The following LPGAT1 variants were observed in gnomAD, a reference collection of about 807,000 sequenced individuals.
LPGAT1 encodes the protein acyl-CoA:lysophosphatidylglycerol acyltransferase 1.
A neutral mutation model predicts 47.5 loss-of-function variants in LPGAT1; 11 were observed. The observed-to-expected ratio is 0.23, with a 90% CI of 0.15 to 0.38. The LOEUF (loss-of-function observed/expected upper bound fraction) is 0.38, where lower values mean the gene tolerates loss of function less well. LPGAT1 is among the 10% of genes least tolerant of loss of function. The probability of loss-of-function intolerance (pLI) is 1.00; values close to 1 mark genes in which losing one functional copy is unlikely to be tolerated. For synonymous variants in LPGAT1, 138 were observed against 144.2 expected (o/e 0.96, Z 0.31); for missense variants, 293 against 439.0 (o/e 0.67, Z 2.97).
At chr1:211,786,956 T>C (rs1658904622) in intron 4 of LPGAT1, among the ~76,000 whole-genome samples, 1 of 152,064 alleles carries the variant, frequency 6.6e-6, no homozygotes, top group African/African-American at 2.4e-5. Context: ...CAACAACCAT[T>C]GTGGGGGATA....
intron 3 of LPGAT1, among the ~76,000 whole-genome samples, chr1:211,791,746 CAA>C (rs1195989474): frequency 8.2e-5 from 3 of 36,408 alleles, no homozygotes; most frequent in African/African-American, 2.4e-4. Flanking sequence ...GACTCCATCT[CAA>C]AAAAAAAAAA....
intron 2 of LPGAT1, among the ~76,000 whole-genome samples, chr1:211,823,401 A>T (rs896086392): frequency 1.3e-5 from 2 of 152,180 alleles, no homozygotes; most frequent in Admixed American, 1.3e-4. Flanking sequence ...AAGGAATTCA[A>T]ATTCCTTCAA....
intron 6 of LPGAT1, among the ~76,000 whole-genome samples, chr1:211,767,289 T>C (rs577475983): frequency 6.6e-6 from 1 of 152,196 alleles, no homozygotes; most frequent in East Asian, 1.9e-4. Context: ...GAGGCACATG[T>C]CACCATGCCC....
chr1:211,796,523 A>G (rs1659358579), intron 2 of LPGAT1, among the ~76,000 whole-genome samples: 1 of 152,194 alleles, frequency 6.6e-6, no homozygotes, highest in African/African-American at 2.4e-5. Flanking sequence ...TCGAGAGAGC[A>G]TGGCCCTGCT....
At chr1:211,780,009 C>T (rs1264190155) in intron 5 of LPGAT1, among the ~76,000 whole-genome samples, 2 of 151,938 alleles carry the variant, frequency 1.3e-5, no homozygotes, top group Non-Finnish European at 2.9e-5. Flanking sequence ...GAAACCCCAT[C>T]TCTACTAAAA....
chr1:211,759,862 T>C (rs1048470127), intron 6 of LPGAT1, among the ~76,000 whole-genome samples: 4 of 152,246 alleles, frequency 2.6e-5, no homozygotes, highest in Admixed American at 1.3e-4. Context: ...ATTATACAAA[T>C]GTTCATTCAT....
At position 211,817,444 on chromosome 1, in the gene LPGAT1, G is replaced by A. The variant is rs112547990; in HGVS notation, c.238+11615C>T. Among the ~76,000 whole-genome samples, 1,225 of 151,910 alleles carry A rather than the reference G, an allele frequency of 8.1e-3. 21 individuals are homozygous for A. The highest frequency in any genetic ancestry group is 0.027 in the African/African-American group (1,119 of 41,426). On this transcript the variant is annotated intron_variant, in intron 2 of 7. Coordinates refer to ENST00000366997, the MANE Select transcript of LPGAT1 (RefSeq NM_014873.3). Reference sequence around the variant, plus strand: ...AAAATTAGCCGGGCATGTGGCCGGCGCCTGTAGTCCCAGCTACTCAGGAGG... The same window carrying A: ...AAAATTAGCCGGGCATGTGGCCGGCACCTGTAGTCCCAGCTACTCAGGAGG...
At chr1:211,762,892 T>C (rs1028125927) in intron 6 of LPGAT1, among the ~76,000 whole-genome samples, 1 of 152,178 alleles carries the variant, frequency 6.6e-6, no homozygotes, top group East Asian at 1.9e-4. Context: ...ACAAACAACA[T>C]GGCTAAACCC....
intron 2 of LPGAT1, among the ~76,000 whole-genome samples, chr1:211,809,019 A>C (rs975072269): frequency 6.6e-6 from 1 of 151,688 alleles, no homozygotes. Context: ...AACACAGTGA[A>C]ACCCCGTCTC....
chr1:211,787,680 T>C lies in LPGAT1; in HGVS notation c.405A>G (p.Thr135=). 1 of 1,609,694 alleles carries C rather than the reference T, an allele frequency of 6.2e-7. No individual in the cohort carries two copies. The highest frequency in any genetic ancestry group is 8.5e-7 in the Non-Finnish European group (1 of 1,178,024). ...GAACTAGAGAAACAATTCCAAAGTTTGTGTACTTAAAAATATGATCCATCA... is the reference window on the plus strand; with the variant it reads ...GAACTAGAGAAACAATTCCAAAGTTCGTGTACTTAAAAATATGATCCATCA... ...MWLMDHIFKY[T]NFGIVSLVHG... is the part of the protein sequence containing the mutation. Residue 135 remains threonine, a synonymous_variant, in exon 4 of 8, where the codon ACA becomes ACG. Coordinates refer to ENST00000366997, the MANE Select transcript of LPGAT1 (RefSeq NM_014873.3).
chr1:211,778,645 T>C (rs1658513554), intron 6 of LPGAT1, among the ~76,000 whole-genome samples: 1 of 152,200 alleles, frequency 6.6e-6, no homozygotes. Context: ...TGAGTATATA[T>C]TTATCCTTGA....
chr1:211,750,494 C>T (rs1657130425), intron 7 of LPGAT1, among the ~76,000 whole-genome samples: 1 of 152,118 alleles, frequency 6.6e-6, no homozygotes, highest in Non-Finnish European at 1.5e-5. Flanking sequence ...CTAGAGATTC[C>T]CACAGTGATC....
intron 2 of LPGAT1, among the ~76,000 whole-genome samples, chr1:211,817,768 C>A (rs1232113877): frequency 6.6e-6 from 1 of 151,922 alleles, no homozygotes; most frequent in Admixed American, 6.6e-5. Context: ...TTTTTTCGTT[C>A]CTATTAAATG....
rs114141768 is a variant in LPGAT1 at position 211,774,899 on chromosome 1, G to C, written c.854+4019C>G. On this transcript the variant is annotated intron_variant, in intron 6 of 7. Transcript: ENST00000366997. ...TCCTAAGTGTCAGTACAGAAATTTC[G>C]AATCAAGAAAAACATTCTGCTCCAC... 5.6e-3 allele frequency among the ~76,000 whole-genome samples: 856 copies of C among 151,946 alleles called. 6 individuals are homozygous for C. Among genetic ancestry groups the C allele is most frequent in the African/African-American group, 0.02 (824 of 41,438 alleles).
At chr1:211,829,413 T>C in intron 1 of LPGAT1, 90 bp from the exon 2 acceptor site, 1 of 1,531,128 alleles carries the variant, frequency 6.5e-7, no homozygotes, top group Admixed American at 2.1e-5. Flanking sequence ...CAGCACAAAA[T>C]AAAACAGCGA....
At chr1:211,823,941 CAA>C (rs1161160344) in intron 2 of LPGAT1, among the ~76,000 whole-genome samples, 17 of 107,004 alleles carry the variant, frequency 1.6e-4, no homozygotes, top group Non-Finnish European at 1.2e-4. Flanking sequence ...ATCTGTCTCT[CAA>C]AAAAAAAAAA....
At chr1:211,820,300 T>C (rs939532565) in intron 2 of LPGAT1, among the ~76,000 whole-genome samples, 1 of 152,108 alleles carries the variant, frequency 6.6e-6, no homozygotes, top group African/African-American at 2.4e-5. Flanking sequence ...GTAACTGGCA[T>C]GGTACTGACT....
Position 211,745,774 on chromosome 1 carries a change from A to G in LPGAT1, c.*4125T>C, listed in dbSNP as rs1313732417. 2 of 152,648 alleles carry G rather than the reference A, an allele frequency of 1.3e-5. No homozygotes were observed. The highest frequency in any genetic ancestry group is 2.9e-5 in the Non-Finnish European group (2 of 68,044). The allele number at this position is 152,648 out of a possible 1,614,324, so 9.5% of individuals were successfully genotyped here. ...AATGCCCAGCCCCTCTGTGATCTGG[A>G]AATCTCTAACTTAGATGGTTTTGGT... On this transcript the variant is annotated 3_prime_UTR_variant, in exon 8 of 8. Coordinates refer to ENST00000366997, the MANE Select transcript of LPGAT1 (RefSeq NM_014873.3).
chr1:211,808,044 C>A (rs527513369), intron 2 of LPGAT1, among the ~76,000 whole-genome samples: 3,359 of 152,130 alleles, frequency 0.022, 72 homozygotes, highest in Non-Finnish European at 0.03. Context: ...AATCACATAT[C>A]CAACAAAGGG....
Sources: allele counts gnomAD v4.1 joint callset (sites outside exome capture counted in the v4.1 genomes callset), GRCh38; gene constraint gnomAD v4.1.1; transcripts MANE v1.5; gene names NCBI Gene and HGNC (gene_info 2026-07-23, HGNC 2026-07-21).